The following PFKP variants were observed in gnomAD, a reference collection of about 807,000 sequenced individuals.
The protein encoded by PFKP is ATP-dependent 6-phosphofructokinase, platelet type.
PFKP carries 101 observed loss-of-function variants against 94.3 expected under a neutral mutation model. The observed-to-expected ratio is 1.07, with a 90% confidence interval of 0.91 to 1.26. PFKP has a LOEUF of 1.26. Ranked by LOEUF, PFKP falls within the 50% of genes most tolerant of loss-of-function variation. The probability of loss-of-function intolerance (pLI) is 0.00; values close to 1 mark genes in which losing one functional copy is unlikely to be tolerated. For synonymous variants in PFKP, 573 were observed against 432.6 expected (o/e 1.32, Z -4.03); for missense variants, 1,145 against 1,103.3 (o/e 1.04, Z -0.53).
At chr10:3,114,125 T>G (rs957762985) in intron 13 of PFKP, among the ~76,000 whole-genome samples, 2 of 151,570 alleles carry the variant, frequency 1.3e-5, no homozygotes, top group African/African-American at 4.9e-5. Context: ...GTTTATCTGA[T>G]TAGCCAACAA....
intron 14 of PFKP, among the ~76,000 whole-genome samples, chr10:3,118,189 T>C (rs995186378): frequency 7.2e-5 from 11 of 152,174 alleles, no homozygotes; most frequent in African/African-American, 2.7e-4. Context: ...TAAACAATTA[T>C]TGGGCACGGC....
At chr10:3,136,365 C>T in intron 21 of PFKP, 85 bp from the exon 22 acceptor site, 1 of 1,453,262 alleles carries the variant, frequency 6.9e-7, no homozygotes. Context: ...GTGTTTCTGG[C>T]AAGACCGCTC....
chr10:3,071,714 C>G (rs10751912), intron 1 of PFKP, among the ~76,000 whole-genome samples: 135,463 of 152,146 alleles, frequency 0.89, 60,475 homozygotes, highest in Middle Eastern at 0.98. Context: ...GGGTAGGCTG[C>G]ATGTGAAAGC....
chr10:3,104,379 G>T (rs1835334575), intron 5 of PFKP, among the ~76,000 whole-genome samples: 1 of 152,228 alleles, frequency 6.6e-6, no homozygotes, highest in Non-Finnish European at 1.5e-5. Context: ...GGCTCAGCAG[G>T]TTATCACTAA....
In PFKP at chr10:3,116,860, C is replaced by T; in HGVS notation, c.1442+14C>T. 1 of 1,579,496 alleles carries T rather than the reference C, an allele frequency of 6.3e-7. No homozygotes were observed. The highest frequency in any genetic ancestry group is 8.7e-7 in the Non-Finnish European group (1 of 1,148,482). ...TGGGACAAAACGGTAACTTCCAAAT[C>T]TCAACTCTATGACCTGCTTTTAAGG... On this transcript the variant is annotated intron_variant, in intron 14 of 21. Transcript: ENST00000381125.
At chr10:3,132,591 T>C in intron 18 of PFKP, 150 bp downstream of exon 18, 2 of 616,668 alleles carry the variant, frequency 3.2e-6, no homozygotes, top group South Asian at 4.1e-5. Context: ...ACAGCTGTGG[T>C]GCATTGCTCT....
At chr10:3,083,317 C>G (rs923652730) in intron 2 of PFKP, among the ~76,000 whole-genome samples, 3 of 151,994 alleles carry the variant, frequency 2.0e-5, no homozygotes, top group African/African-American at 7.2e-5. Flanking sequence ...CAACTTAAGA[C>G]TAAAAAGTAT....
intron 8 of PFKP, chr10:3,108,100 T>C: frequency 9.8e-7 from 1 of 1,017,772 alleles, no homozygotes; most frequent in South Asian, 1.4e-5. Flanking sequence ...ATCCATAAAG[T>C]CCAGGCAAAG....
chr10:3,082,453 A>C lies in PFKP; in HGVS notation c.178A>C (p.Ile60Leu). ...CTACGTGGGGGCCAAGGTGTACTTC[A>C]TCTACGAGGTCAGTGTCTGCCCCTC... ...GIYVGAKVYF[I>L]YEGYQGMVDG... The change falls in exon 2 of 22, where the codon ATC (isoleucine) becomes CTC (leucine). Residue 60 changes from isoleucine to leucine, a missense_variant. By Grantham distance (5) the Ile-to-Leu change is conservative. Around this residue, in one of 3 missense-constraint regions of PFKP, gnomAD observed 1,119 missense variants for 1,062.8 expected, o/e 1.05. Coordinates refer to ENST00000381125, the MANE Select transcript of PFKP (RefSeq NM_002627.5). 6.2e-7 allele frequency: 1 copy of C among 1,604,946 alleles called. No individual in the cohort carries two copies. Among genetic ancestry groups the C allele is most frequent in the Non-Finnish European group, 8.5e-7 (1 of 1,174,172 alleles).
At chr10:3,108,356 G>A (rs915667662) in intron 8 of PFKP, among the ~76,000 whole-genome samples, 10 of 152,190 alleles carry the variant, frequency 6.6e-5, no homozygotes, top group Non-Finnish European at 1.3e-4. Context: ...CAAGGAAGAT[G>A]TTTACATTTT....
chr10:3,129,442 C>T (rs757205998), intron 16 of PFKP: 21 of 207,850 alleles, frequency 1.0e-4, no homozygotes, highest in Non-Finnish European at 1.8e-4. Flanking sequence ...TAACACCTAA[C>T]GGTGTCTGTG....
intron 16 of PFKP, among the ~76,000 whole-genome samples, chr10:3,122,773 T>A (rs1328965661): frequency 1.3e-5 from 2 of 152,124 alleles, no homozygotes; most frequent in Admixed American, 1.3e-4. Flanking sequence ...TTCAGAAAAT[T>A]TGGTGATTCT....
chr10:3,077,165 G>A (rs554615915), intron 1 of PFKP, among the ~76,000 whole-genome samples: 7 of 152,056 alleles, frequency 4.6e-5, no homozygotes, highest in South Asian at 2.1e-4. Context: ...GAGAGAGGGC[G>A]AGGCAGGGAG....
intron 14 of PFKP, among the ~76,000 whole-genome samples, chr10:3,117,143 C>T (rs573417831): frequency 2.0e-5 from 3 of 152,300 alleles, no homozygotes; most frequent in Admixed American, 1.3e-4. Context: ...ACTTGGAGGT[C>T]ATAAAGATGA....
chr10:3,068,173 C>T (rs1019037253), intron 1 of PFKP, among the ~76,000 whole-genome samples: 1 of 152,126 alleles, frequency 6.6e-6, no homozygotes, highest in African/African-American at 2.4e-5. Context: ...CCTAAGTGCC[C>T]CCCCGCCCCC....
chr10:3,123,615 C>T (rs1213317496), intron 16 of PFKP, among the ~76,000 whole-genome samples: 4 of 152,212 alleles, frequency 2.6e-5, no homozygotes, highest in Non-Finnish European at 5.9e-5. Flanking sequence ...GAGAAACAGC[C>T]GGCTCCCCAC....
intron 16 of PFKP, among the ~76,000 whole-genome samples, chr10:3,120,422 C>T (rs1837295348): frequency 6.6e-6 from 1 of 151,222 alleles, no homozygotes; most frequent in African/African-American, 2.4e-5. Flanking sequence ...TTTCTTTGAG[C>T]CTCCAATACC....
chr10:3,124,510 C>T (rs901794826), intron 16 of PFKP, among the ~76,000 whole-genome samples: 10 of 152,218 alleles, frequency 6.6e-5, no homozygotes, highest in Non-Finnish European at 1.0e-4. Flanking sequence ...TGCGGCTTGC[C>T]GAGGGCAGAA....
rs1261775605 is a variant in PFKP, at chr10:3,101,523, G to GA, written c.424dup (p.Ser142LysfsTer15). 1.3e-6 allele frequency: 2 copies of GA among 1,570,462 alleles called. No homozygotes were observed. Among genetic ancestry groups the GA allele is most frequent in the Non-Finnish European group, 1.7e-6 (2 of 1,157,080 alleles). ...GGGCCAACCTCTTCCGGAAGGAGTG[G>GA]AGTGGGCTGCTGGAGGAGCTGGCCA... On this transcript the variant is annotated frameshift_variant, in exon 4 of 22. Coordinates refer to ENST00000381125, the MANE Select transcript of PFKP (RefSeq NM_002627.5). LOFTEE classifies it high-confidence loss of function.
Sources: gnomAD v4.1 joint callset for allele counts (sites outside exome capture counted in the v4.1 genomes callset) on GRCh38, gnomAD v4.1.1 for gene constraint, gnomAD v4.1.1 regional missense constraint, MANE v1.5 for transcripts, NCBI Gene and HGNC (gene_info 2026-07-23, HGNC 2026-07-21) for gene names.